Variants in DNAH8 observed in about 807,000 individuals in gnomAD.
The protein encoded by DNAH8 is axonemal beta dynein heavy chain 8.
Under a neutral mutation model 562.1 loss-of-function variants are expected in DNAH8, and 382 were observed. That is an observed-to-expected ratio of 0.68 (90% CI 0.63 to 0.74). The LOEUF is 0.74. DNAH8 is among the 30% of genes least tolerant of loss of function. The pLI is 0.00. For synonymous variants in DNAH8, 1,881 were observed against 1,919.4 expected (o/e 0.98, Z 0.52); for missense variants, 5,203 against 5,620.4 (o/e 0.93, Z 2.37).
intron 4 of DNAH8, among the ~76,000 whole-genome samples, chr6:38,733,243 AGG>A (rs1395324054): frequency 1.1e-5 from 1 of 87,024 alleles, no homozygotes; most frequent in African/African-American, 3.2e-5. Context: ...TGCAAATAGA[AGG>A]CTGTTGATTT....
chr6:38,980,164 G>A (rs1464275238), intron 85 of DNAH8, among the ~76,000 whole-genome samples: 1 of 152,108 alleles, frequency 6.6e-6, no homozygotes, highest in Non-Finnish European at 1.5e-5. Flanking sequence ...GGTTCCTTTT[G>A]CCCTGGTAAT....
At position 38,883,047 on chromosome 6, in the gene DNAH8, C is replaced by T. The variant is rs1348383754; in HGVS notation, c.7996C>T (p.His2666Tyr). 2 of 1,588,412 alleles carry T rather than the reference C, an allele frequency of 1.3e-6. No individual in the cohort carries two copies. The highest frequency in any genetic ancestry group is 8.5e-7 in the Non-Finnish European group (1 of 1,171,126). The stretch of plus-strand genomic sequence containing the variant: ...TTTGATAGACACCATTGCAAAACAA[C>T]ATAAAGTAAGTTTAATAGATAGTTC... ...NFLIDTIAKQ[H>Y]KAVLLTGEQG... is the part of the protein sequence containing the mutation. Residue 2666 changes from histidine (H) to tyrosine (Y), a missense_variant, in exon 54 of 93, where the codon CAT becomes TAT. Around this residue, in one of 6 missense-constraint regions of DNAH8, gnomAD observed 977 missense variants for 1,061.8 expected, o/e 0.92. Transcript: ENST00000327475.
intron 89 of DNAH8, among the ~76,000 whole-genome samples, chr6:39,011,714 T>G (rs2150772018): frequency 6.6e-6 from 1 of 152,370 alleles, no homozygotes; most frequent in Non-Finnish European, 1.5e-5. Context: ...AAGGCTCTCT[T>G]TAGCTGTCAT....
At chr6:38,755,017 AG>A (rs1173097857) in intron 9 of DNAH8, among the ~76,000 whole-genome samples, 6 of 152,088 alleles carry the variant, frequency 3.9e-5, no homozygotes, top group Admixed American at 6.6e-5. Context: ...TTCTCAAAGA[AG>A]TTTGATTTCT....
intron 21 of DNAH8, among the ~76,000 whole-genome samples, chr6:38,795,872 A>G (rs1378888812): frequency 6.6e-6 from 1 of 152,160 alleles, no homozygotes. Flanking sequence ...GTGGTTTCAG[A>G]TCGTATTTGG....
intron 12 of DNAH8, among the ~76,000 whole-genome samples, chr6:38,774,798 A>G (rs1767905523): frequency 6.6e-6 from 1 of 152,218 alleles, no homozygotes; most frequent in Non-Finnish European, 1.5e-5. Flanking sequence ...GGAGACCCAG[A>G]TAGTTCCTGT....
At chr6:38,738,501 G>A (rs1449855148) in intron 7 of DNAH8, among the ~76,000 whole-genome samples, 1 of 151,978 alleles carries the variant, frequency 6.6e-6, no homozygotes, top group African/African-American at 2.4e-5. Context: ...AATTATGAGA[G>A]GCTCCAACTT....
intron 91 of DNAH8, among the ~76,000 whole-genome samples, chr6:39,022,270 C>T (rs1766967927): frequency 6.6e-6 from 1 of 151,996 alleles, no homozygotes; most frequent in Non-Finnish European, 1.5e-5. Flanking sequence ...GTTGGCAAAC[C>T]CCAGGGGGAT....
intron 87 of DNAH8, 122 bp downstream of exon 87, chr6:38,984,429 G>T (rs1764234729): frequency 1.5e-6 from 1 of 669,730 alleles, no homozygotes. Flanking sequence ...AATTAGCCAA[G>T]AAACAAATGC....
At chr6:38,911,157 A>G (rs1046646088) in intron 65 of DNAH8, among the ~76,000 whole-genome samples, 2 of 152,234 alleles carry the variant, frequency 1.3e-5, no homozygotes, top group African/African-American at 2.4e-5. Context: ...CAGCTTTCAC[A>G]TAGATTCATA....
chr6:38,859,739 A>G (rs980439747), intron 42 of DNAH8, among the ~76,000 whole-genome samples: 14 of 152,256 alleles, frequency 9.2e-5, no homozygotes, highest in Non-Finnish European at 2.1e-4. Context: ...ATGAGAGCCC[A>G]GTACCTCTTG....
At chr6:38,774,299 C>T (rs1767855316) in intron 12 of DNAH8, among the ~76,000 whole-genome samples, 3 of 152,074 alleles carry the variant, frequency 2.0e-5, no homozygotes. Context: ...GTAGGGTCTC[C>T]ACTCATGGTG....
intron 10 of DNAH8, among the ~76,000 whole-genome samples, chr6:38,761,070 T>A (rs1362198219): frequency 6.6e-6 from 1 of 151,324 alleles, no homozygotes; most frequent in Non-Finnish European, 1.5e-5. Flanking sequence ...TCTTCATTTT[T>A]TTTTTGGATT....
At chr6:39,010,099 G>A (rs892889035) in intron 89 of DNAH8, among the ~76,000 whole-genome samples, 1 of 152,112 alleles carries the variant, frequency 6.6e-6, no homozygotes, top group Non-Finnish European at 1.5e-5. Context: ...AGTCTTAGCT[G>A]GGGCCACTTC....
chr6:39,010,230 C>T (rs1287856905), intron 89 of DNAH8, among the ~76,000 whole-genome samples: 2 of 152,132 alleles, frequency 1.3e-5, no homozygotes, highest in Non-Finnish European at 2.9e-5. Context: ...GTCCCTGTTC[C>T]AAGATCACTT....
chr6:38,912,806 C>CTT (rs559189342), intron 66 of DNAH8, among the ~76,000 whole-genome samples: 1 of 147,476 alleles, frequency 6.8e-6, no homozygotes, highest in Non-Finnish European at 1.5e-5. Context: ...TAGTTTTACT[C>CTT]TTTTTTTTTT....
At chr6:38,789,980 G>A (rs1289965728) in intron 19 of DNAH8, 97 bp downstream of exon 19, 3 of 880,966 alleles carry the variant, frequency 3.4e-6, no homozygotes, top group Non-Finnish European at 5.3e-6. Context: ...TTCTTCTTTA[G>A]ACCCTCCATC....
Position 38,886,792 on chromosome 6 carries a change from T to A in DNAH8, c.8261T>A (p.Ile2754Lys). The change falls in exon 57 of 93, where the codon ATA becomes AAA. Residue 2754 changes from isoleucine to lysine, a missense_variant and splice_region_variant. Ile to Lys is a moderately radical substitution (Grantham distance 102). Transcript: ENST00000327475. ...MPVINEWGDQ[I>K]TNEIVRQMME... is the part of the protein sequence containing the mutation. ...AAATATTGCTGTGTGAAATTTCAGA[T>A]AACTAATGAGATTGTGCGACAGATG... The A allele has an allele frequency of 6.2e-7, 1 of 1,613,222 alleles. No homozygotes were observed. The highest frequency in any genetic ancestry group is 8.5e-7 in the Non-Finnish European group (1 of 1,179,254).
chr6:39,010,206 G>T (rs1013080200), intron 89 of DNAH8, among the ~76,000 whole-genome samples: 1 of 152,094 alleles, frequency 6.6e-6, no homozygotes, highest in Non-Finnish European at 1.5e-5. Context: ...TGTACTAAGA[G>T]ACATCTAAAA....
Sources: gnomAD v4.1 joint callset for allele counts (sites outside exome capture counted in the v4.1 genomes callset) on GRCh38, gnomAD v4.1.1 for gene constraint, gnomAD v4.1.1 regional missense constraint, MANE v1.5 for transcripts, NCBI Gene and HGNC (gene_info 2026-07-23, HGNC 2026-07-21) for gene names.